The following RBFOX3 variants were observed in gnomAD, a reference collection of about 807,000 sequenced individuals.
RBFOX3 encodes the protein RNA binding fox-1 homolog 3.
RBFOX3 carries 17 observed loss-of-function variants against 48.7 expected under a neutral mutation model. The ratio of observed to expected loss-of-function variants is 0.35; its 90% CI spans 0.24 to 0.52. The LOEUF (loss-of-function observed/expected upper bound fraction) is 0.52. Ranked by LOEUF, RBFOX3 falls within the 20% of genes least tolerant of loss-of-function variation. The probability of loss-of-function intolerance (pLI) is 0.94; values close to 1 mark genes in which losing one functional copy is unlikely to be tolerated. For missense variants in RBFOX3, 382 were observed against 497.5 expected (o/e 0.77, Z 2.21); for synonymous variants, 212 against 209.5 (o/e 1.01, Z -0.10).
chr17:79,659,823 C>T, the RBFOX3 span, among the ~76,000 whole-genome samples: 1 of 152,206 alleles, frequency 6.6e-6, no homozygotes, highest in Non-Finnish European at 1.5e-5. Context: ...CCTGGAGGGC[C>T]CCTCTTCCCT....
chr17:79,280,363 G>T (rs1034295942), intron 3 of RBFOX3, among the ~76,000 whole-genome samples: 3 of 152,152 alleles, frequency 2.0e-5, no homozygotes, highest in African/African-American at 7.2e-5. Context: ...GAAAACACGT[G>T]AGTCCTATGG....
chr17:79,261,298 A>G (rs1205337013), intron 3 of RBFOX3, among the ~76,000 whole-genome samples: 1 of 152,212 alleles, frequency 6.6e-6, no homozygotes, highest in Non-Finnish European at 1.5e-5. Flanking sequence ...CAGAGCAAAC[A>G]ATAAATATGT....
intron 1 of RBFOX3, among the ~76,000 whole-genome samples, chr17:79,592,070 G>A (rs1201219898): frequency 1.3e-5 from 2 of 150,716 alleles, no homozygotes; most frequent in Admixed American, 1.3e-4. Context: ...TGCAGGGGTG[G>A]AGTATTTTGT....
At chr17:79,460,984 T>C (rs1555748437) in intron 2 of RBFOX3, among the ~76,000 whole-genome samples, 1 of 152,222 alleles carries the variant, frequency 6.6e-6, no homozygotes, top group Non-Finnish European at 1.5e-5. Context: ...TGCAGTTCCA[T>C]GCTCACCAGT....
intron 3 of RBFOX3, among the ~76,000 whole-genome samples, chr17:79,237,099 C>T (rs1211436811): frequency 6.6e-6 from 1 of 152,194 alleles, no homozygotes; most frequent in African/African-American, 2.4e-5. Context: ...AAAAGAATAT[C>T]CATACCTGTT....
intron 1 of RBFOX3, among the ~76,000 whole-genome samples, chr17:79,591,017 G>A (rs2093400334): frequency 6.6e-6 from 1 of 152,206 alleles, no homozygotes; most frequent in African/African-American, 2.4e-5. Flanking sequence ...CCAGCCCTCG[G>A]AGGGACGAGA....
In RBFOX3 at chr17:79,602,987, CCT is replaced by C. The variant is rs1491236674; in HGVS notation, c.-320+7837_-320+7838del. 3.1e-5 allele frequency among the ~76,000 whole-genome samples: 4 copies of C among 127,652 alleles called. No individual in the cohort carries two copies. The East Asian group carries it at 1.0e-3, about 32-fold the overall frequency. The allele number at this position is 127,652 out of a possible 152,430, so 83.7% of individuals were successfully genotyped here. ...CAGTGCCCCTCTCTCCTTGAGCTACCCTTTTTTTTTTTTTTTTTTTTTAGGGG... is the reference window on the plus strand; with the variant it reads ...CAGTGCCCCTCTCTCCTTGAGCTACCTTTTTTTTTTTTTTTTTTTTAGGGG... On this transcript the variant is annotated intron_variant, in intron 1 of 14. Transcript: ENST00000693108.
chr17:79,130,923 G>A (rs2080483637), intron 4 of RBFOX3, among the ~76,000 whole-genome samples: 3 of 152,248 alleles, frequency 2.0e-5, no homozygotes, highest in South Asian at 4.1e-4. Context: ...GCTAGGACAC[G>A]GTGCGCGGGA....
In RBFOX3 at chr17:79,228,549, A is replaced by T. The variant is rs117694075; in HGVS notation, c.-34+7217T>A. On this transcript the variant is annotated intron_variant, in intron 4 of 14. Coordinates refer to ENST00000693108, the MANE Select transcript of RBFOX3 (RefSeq NM_001350451.2). ...CTTCTTTCATGGGTAGCACAAAACC[A>T]CCCAACTGGATACATCCAGAAAGCC... Among the ~76,000 whole-genome samples, 280 of 152,224 alleles carry T rather than the reference A, an allele frequency of 1.8e-3. 8 individuals carry two copies. The East Asian group carries it at 0.047, about 25-fold the overall frequency.
chr17:79,113,280 T>C (rs1363830867), intron 5 of RBFOX3, among the ~76,000 whole-genome samples: 1 of 151,948 alleles, frequency 6.6e-6, no homozygotes, highest in Non-Finnish European at 1.5e-5. Context: ...CCTTCCAAGG[T>C]AGGAAGGCTC....
intron 1 of RBFOX3, among the ~76,000 whole-genome samples, chr17:79,557,225 CAAAAAA>C (rs1167997833): frequency 2.9e-4 from 25 of 86,540 alleles, no homozygotes; most frequent in Non-Finnish European, 4.2e-4. Flanking sequence ...GACACTGTCT[CAAAAAA>C]AAAAAAAAAA....
At chr17:79,293,245 T>G in intron 3 of RBFOX3, among the ~76,000 whole-genome samples, 1 of 152,184 alleles carries the variant, frequency 6.6e-6, no homozygotes, top group African/African-American at 2.4e-5. Flanking sequence ...CAAGCCCACA[T>G]GGGGCCAACA....
At chr17:79,328,435 G>A (rs2079679237) in intron 2 of RBFOX3, among the ~76,000 whole-genome samples, 1 of 152,218 alleles carries the variant, frequency 6.6e-6, no homozygotes, top group African/African-American at 2.4e-5. Flanking sequence ...ACTGGCATAT[G>A]TGGATTTTGA....
intron 14 of RBFOX3, among the ~76,000 whole-genome samples, chr17:79,093,321 G>C (rs1404645565): frequency 1.3e-5 from 2 of 152,042 alleles, no homozygotes; most frequent in Non-Finnish European, 2.9e-5. Flanking sequence ...CACAGCAAGT[G>C]CAAGAGAAGA....
At position 79,610,176 on chromosome 17, in the gene RBFOX3, G is replaced by C. The variant is rs1018786439; in HGVS notation, c.-320+650C>G. Among the ~76,000 whole-genome samples the C allele has an allele frequency of 4.6e-5, 7 of 152,124 alleles. No homozygotes were observed. In the East Asian group the frequency reaches 1.2e-3, roughly 25 times the overall value. ...GGTGCTGCGGGCCCCGCTCCTATTT[G>C]GGGAGCTGTGGCAGCCCCTTCCTCC... is the stretch of plus-strand genomic sequence containing the variant. On this transcript the variant is annotated intron_variant, in intron 1 of 14. Coordinates refer to ENST00000693108, the MANE Select transcript of RBFOX3 (RefSeq NM_001350451.2).
chr17:79,349,007 C>A (rs111716761), intron 2 of RBFOX3, among the ~76,000 whole-genome samples: 74 of 152,224 alleles, frequency 4.9e-4, no homozygotes, highest in African/African-American at 1.7e-3. Flanking sequence ...TTAGCTACAT[C>A]CCCTCTGAAA....
intron 2 of RBFOX3, among the ~76,000 whole-genome samples, chr17:79,469,892 G>A (rs1020440632): frequency 1.1e-4 from 16 of 152,258 alleles, no homozygotes; most frequent in Admixed American, 3.3e-4. Flanking sequence ...GAACGTGCAT[G>A]ATGGAGAACG....
chr17:79,102,181 CTGG>C (rs1174244564), intron 8 of RBFOX3, among the ~76,000 whole-genome samples: 3 of 152,198 alleles, frequency 2.0e-5, no homozygotes, highest in Non-Finnish European at 4.4e-5. Flanking sequence ...GAGGGGGGCT[CTGG>C]GCACGAAGTC....
rs977961368 is a variant in RBFOX3, at chr17:79,214,327, T to G, written c.-34+21439A>C. The stretch of plus-strand genomic sequence containing the variant: ...GATTTTTAATAAAAATCAGACATGG[T>G]CATGGAGGTGCCTCATGGAGGAAAG... On this transcript the variant is annotated intron_variant, in intron 4 of 14. Transcript: ENST00000693108. The surrounding 1 kb of genome is among the most constrained non-coding windows in gnomAD (Gnocchi z 4.7). 6.6e-6 allele frequency among the ~76,000 whole-genome samples: 1 copy of G among 152,336 alleles called. No individual in the cohort carries two copies. The highest frequency in any genetic ancestry group is 2.1e-4 in the South Asian group (1 of 4,828).
Sources: gnomAD v4.1 joint callset for allele counts (sites outside exome capture counted in the v4.1 genomes callset) on GRCh38, gnomAD v4.1.1 for gene constraint, Gnocchi (gnomAD v3.1) non-coding constraint, MANE v1.5 for transcripts, NCBI Gene and HGNC (gene_info 2026-07-23, HGNC 2026-07-21) for gene names.